The following ZHX3 variants were observed in gnomAD, a reference collection of about 807,000 sequenced individuals.
ZHX3 encodes zinc fingers and homeoboxes 3.
Under a neutral mutation model 64.5 loss-of-function variants are expected in ZHX3, and 20 were observed. The observed-to-expected ratio is 0.31, with a 90% CI of 0.22 to 0.45. The LOEUF (loss-of-function observed/expected upper bound fraction) is 0.45, where lower values mean the gene tolerates loss of function less well. Ranked by LOEUF, ZHX3 falls within the 20% of genes least tolerant of loss-of-function variation. The probability of loss-of-function intolerance (pLI) is 1.00; values close to 1 mark genes in which losing one functional copy is unlikely to be tolerated. For missense variants in ZHX3, 1,041 were observed against 1,195.8 expected (o/e 0.87, Z 1.91); for synonymous variants, 423 against 461.6 (o/e 0.92, Z 1.07).
At chr20:41,236,242 G>T (rs1280303817) in intron 2 of ZHX3, among the ~76,000 whole-genome samples, 1 of 152,134 alleles carries the variant, frequency 6.6e-6, no homozygotes, top group African/African-American at 2.4e-5. Context: ...AGCTACCAAT[G>T]ACTTTCTTCA....
At chr20:41,277,126 T>C (rs2043421183) in intron 1 of ZHX3, among the ~76,000 whole-genome samples, 1 of 152,192 alleles carries the variant, frequency 6.6e-6, no homozygotes, top group Non-Finnish European at 1.5e-5. Flanking sequence ...GCAAAAATGT[T>C]CTGTATACTG....
chr20:41,282,567 G>T (rs909027909), intron 1 of ZHX3, among the ~76,000 whole-genome samples: 3 of 151,882 alleles, frequency 2.0e-5, no homozygotes, highest in Admixed American at 6.6e-5. Context: ...ACCATGTTGG[G>T]CGGGCTGTTC....
At chr20:41,205,375 T>C (rs2038616775) in intron 2 of ZHX3, among the ~76,000 whole-genome samples, 1 of 152,192 alleles carries the variant, frequency 6.6e-6, no homozygotes, top group Non-Finnish European at 1.5e-5. Context: ...CGCCCTCTTT[T>C]TGGACCTCCA....
rs2036315910 is a variant in ZHX3, at chr20:41,183,462, A to G, written c.*1729T>C. 6.6e-6 allele frequency: 1 copy of G among 152,242 alleles called. No individual in the cohort carries two copies. 9.4% of individuals were successfully genotyped at this position (152,242 alleles called of 1,614,324 possible). ...TTTAGAAGAACATGATTTTGGTTTC[A>G]AAAGCAAGACCTCTCCTGGAAGGCA... On this transcript the variant is annotated 3_prime_UTR_variant, in exon 4 of 4. Transcript: ENST00000683867. The surrounding 1 kb of genome is among the most constrained non-coding windows in gnomAD (Gnocchi z 5.3).
chr20:41,205,833 AG>A lies in ZHX3; in HGVS notation c.-150-768del, dbSNP rs1219575468. On this transcript the variant is annotated intron_variant, in intron 2 of 3. Transcript: ENST00000683867. ...TGGTCTCACCTTGAGATCTGAGAACAGTTGGACTGCCTCCCCAAGTGGGTCC... is the reference window on the plus strand; with the variant it reads ...TGGTCTCACCTTGAGATCTGAGAACATTGGACTGCCTCCCCAAGTGGGTCC... Among the ~76,000 whole-genome samples the A allele has an allele frequency of 3.3e-5, 5 of 152,182 alleles. No individual in the cohort carries two copies. The East Asian group carries it at 5.8e-4, about 18-fold the overall frequency.
At chr20:41,275,387 G>T (rs1201673881) in intron 1 of ZHX3, among the ~76,000 whole-genome samples, 1 of 152,074 alleles carries the variant, frequency 6.6e-6, no homozygotes, top group Non-Finnish European at 1.5e-5. Flanking sequence ...CTGAGTCAAT[G>T]TTTATTTTTT....
At chr20:41,310,069 T>C (rs2045085396) in intron 1 of ZHX3, among the ~76,000 whole-genome samples, 1 of 152,204 alleles carries the variant, frequency 6.6e-6, no homozygotes. Flanking sequence ...CTAGCCTAGA[T>C]ACCTTTAGCT....
intron 2 of ZHX3, among the ~76,000 whole-genome samples, chr20:41,225,063 T>A (rs985026446): frequency 6.6e-6 from 1 of 152,212 alleles, no homozygotes; most frequent in Non-Finnish European, 1.5e-5. Flanking sequence ...AGTGAGTGAA[T>A]GGGTGAATAA....
intron 2 of ZHX3, among the ~76,000 whole-genome samples, chr20:41,249,859 C>T (rs1175738235): frequency 3.3e-5 from 5 of 152,114 alleles, no homozygotes; most frequent in Non-Finnish European, 5.9e-5. Context: ...AACAACATAG[C>T]AGCACATCTT....
chr20:41,193,461 G>T (rs1157778900), intron 3 of ZHX3, among the ~76,000 whole-genome samples: 1 of 151,918 alleles, frequency 6.6e-6, no homozygotes, highest in African/African-American at 2.4e-5. Flanking sequence ...ATTGTTCATT[G>T]CAAGTGTATA....
intron 1 of ZHX3, among the ~76,000 whole-genome samples, chr20:41,272,900 A>G (rs1488019430): frequency 7.2e-5 from 11 of 152,174 alleles, no homozygotes; most frequent in Admixed American, 7.2e-4. Context: ...CAGGAGTGGA[A>G]TTGCTGGGTC....
chr20:41,268,336 A>G (rs1252043640), intron 2 of ZHX3, among the ~76,000 whole-genome samples: 1 of 146,992 alleles, frequency 6.8e-6, no homozygotes, highest in Non-Finnish European at 1.5e-5. Context: ...TATCTATTTC[A>G]TCAAATGAAG....
At chr20:41,199,907 G>A (rs1229159443) in intron 3 of ZHX3, among the ~76,000 whole-genome samples, 1 of 151,932 alleles carries the variant, frequency 6.6e-6, no homozygotes, top group East Asian at 1.9e-4. Context: ...TACCATGTTG[G>A]CCAGGCTGGC....
intron 3 of ZHX3, among the ~76,000 whole-genome samples, chr20:41,187,347 A>G (rs1232988910): frequency 1.5e-5 from 2 of 132,564 alleles, no homozygotes; most frequent in Non-Finnish European, 3.2e-5. Flanking sequence ...AAAAAAAAAA[A>G]GTAATAATTG....
At chr20:41,281,517 A>G (rs2043674866) in intron 1 of ZHX3, among the ~76,000 whole-genome samples, 1 of 152,242 alleles carries the variant, frequency 6.6e-6, no homozygotes, top group Admixed American at 6.5e-5. Context: ...AAAAAGATAT[A>G]ATGTAGAAAA....
chr20:41,242,725 G>C (rs146924738), intron 2 of ZHX3, among the ~76,000 whole-genome samples: 336 of 152,210 alleles, frequency 2.2e-3, no homozygotes, highest in African/African-American at 7.6e-3. Context: ...CCCTGATGTG[G>C]ACAGACTTCT....
chr20:41,204,011 G>C lies in ZHX3; in HGVS notation c.906C>G (p.Pro302=), dbSNP rs765921040. Residue 302 remains proline, a synonymous_variant, in exon 3 of 4, where the codon CCC becomes CCG. Coordinates refer to ENST00000683867, the MANE Select transcript of ZHX3 (RefSeq NM_001384317.1). The surrounding 1 kb of genome is among the most constrained non-coding windows in gnomAD (Gnocchi z 6.6). The stretch of plus-strand genomic sequence containing the variant: ...CATTGTACGTTGGAATGCTGCTCAG[G>C]GGGATCATCACTTTGGGAAGGGCCT... ...TAKALPKVMI[P]LSSIPTYNAA... is the part of the protein sequence containing the mutation. The C allele has an allele frequency of 2.5e-6, 4 of 1,614,158 alleles. No individual in the cohort carries two copies. The East Asian group carries it at 8.9e-5, about 36-fold the overall frequency.
rs1057416783 is a variant in ZHX3 at position 41,232,711 on chromosome 20, TCC to T, written c.-150-27647_-150-27646del. 2.0e-5 allele frequency among the ~76,000 whole-genome samples: 3 copies of T among 152,024 alleles called. No homozygotes were observed. Among genetic ancestry groups the T allele is most frequent in the Non-Finnish European group, 2.9e-5 (2 of 67,992 alleles). ...TTCACGCCATTCTCCTGCCTCAGCC[TCC>T]CGCGGGGGACTACAGGCGCCCACCA... On this transcript the variant is annotated intron_variant, in intron 2 of 3. Transcript: ENST00000683867. The surrounding 1 kb of genome is among the most constrained non-coding windows in gnomAD (Gnocchi z 5.0).
rs1358668946 is a variant in ZHX3, at chr20:41,226,523, G to A, written c.-150-21457C>T. ...ATATGGGTGTGCAAATATCTCTTTGGGATCTTATTTTTTATTCTTTTGGGT... is the reference window on the plus strand; with the variant it reads ...ATATGGGTGTGCAAATATCTCTTTGAGATCTTATTTTTTATTCTTTTGGGT... On this transcript the variant is annotated intron_variant, in intron 2 of 3. Transcript: ENST00000683867. The surrounding 1 kb of genome is among the most constrained non-coding windows in gnomAD (Gnocchi z 4.4). Among the ~76,000 whole-genome samples the A allele has an allele frequency of 6.6e-6, 1 of 151,904 alleles. No homozygotes were observed. Among genetic ancestry groups the A allele is most frequent in the Non-Finnish European group, 1.5e-5 (1 of 67,964 alleles).
Sources: allele counts gnomAD v4.1 joint callset (sites outside exome capture counted in the v4.1 genomes callset), GRCh38; gene constraint gnomAD v4.1.1; non-coding constraint Gnocchi (gnomAD v3.1); transcripts MANE v1.5; gene names NCBI Gene and HGNC (gene_info 2026-07-23, HGNC 2026-07-21).